Variants in ATP5MJ observed in about 807,000 individuals in gnomAD.
ATP5MJ encodes ATP synthase F(0) complex subunit j, mitochondrial.
Under a neutral mutation model 8.3 loss-of-function variants are expected in ATP5MJ, and 4 were observed. The observed-to-expected ratio is 0.48, with a 90% CI of 0.24 to 1.11. The LOEUF (loss-of-function observed/expected upper bound fraction) is 1.11. Among genes scored for constraint, ATP5MJ ranks in the 50% least tolerant of loss-of-function variants. The probability of loss-of-function intolerance (pLI) is 0.18; values close to 1 mark genes in which losing one functional copy is unlikely to be tolerated. For missense variants in ATP5MJ, 66 were observed against 71.8 expected (o/e 0.92, Z 0.29); for synonymous variants, 23 against 21.3 (o/e 1.08, Z -0.23).
At chr14:103,912,913 A>G (rs991932649) in intron 3 of ATP5MJ, 14 of 557,606 alleles carry the variant, frequency 2.5e-5, no homozygotes, top group Non-Finnish European at 4.1e-5. Context: ...CCCACAGCGC[A>G]AAGAGAGAGG....
At chr14:103,913,601 G>C (rs1043126843) in intron 3 of ATP5MJ, 3 of 375,860 alleles carry the variant, frequency 8.0e-6, no homozygotes, top group African/African-American at 4.2e-5. Context: ...ACAGAGCGAG[G>C]CTCCGTCTCA....
rs754772315 is a variant in ATP5MJ, at chr14:103,915,212, A to G, written c.1-23T>C. ...CATCTGAAAATGAACACAGTGATTAAAAATTAGAATGATGATTGCTTTAAA... is the reference window on the plus strand; with the variant it reads ...CATCTGAAAATGAACACAGTGATTAGAAATTAGAATGATGATTGCTTTAAA... On this transcript the variant is annotated intron_variant, in intron 1 of 3. Coordinates refer to ENST00000286953, the MANE Select transcript of ATP5MJ (RefSeq NM_004894.3). 11 of 1,606,996 alleles carry G rather than the reference A, an allele frequency of 6.8e-6. No homozygotes were observed. In the South Asian group the frequency reaches 1.2e-4, roughly 18 times the overall value.
chr14:103,912,825 G>T, intron 3 of ATP5MJ, 131 bp from the exon 4 acceptor site: 1 of 862,742 alleles, frequency 1.2e-6, no homozygotes, highest in Non-Finnish European at 1.8e-6. Flanking sequence ...CAATACTATT[G>T]AAAAGTAGGA....
intron 2 of ATP5MJ, chr14:103,914,297 C>T (rs896254118): frequency 1.2e-5 from 7 of 561,222 alleles, no homozygotes; most frequent in African/African-American, 1.1e-4. Context: ...CACTGCTCTG[C>T]TCTACTGAGA....
rs74636992 is a variant in ATP5MJ at position 103,917,030 on chromosome 14, T to G, written c.1-1841A>C. Among the ~76,000 whole-genome samples, 1,118 of 152,280 alleles carry G rather than the reference T, an allele frequency of 7.3e-3. 6 individuals are homozygous for G. Among genetic ancestry groups the G allele is most frequent in the South Asian group, 0.032 (154 of 4,828 alleles). Reference sequence around the variant, plus strand: ...TCACTTGGCAAATGTGCACTGAGCATGTACTAGGTGCCAGACATTGTTTTA... The same window carrying G: ...TCACTTGGCAAATGTGCACTGAGCAGGTACTAGGTGCCAGACATTGTTTTA... On this transcript the variant is annotated intron_variant, in intron 1 of 3. Transcript: ENST00000286953.
chr14:103,918,827 C>T (rs2087646800), intron 1 of ATP5MJ, among the ~76,000 whole-genome samples: 1 of 151,988 alleles, frequency 6.6e-6, no homozygotes, highest in Admixed American at 6.5e-5. Flanking sequence ...TCAAGACCAT[C>T]CTGGCTAACA....
Position 103,917,350 on chromosome 14 carries a change from A to T in ATP5MJ, c.1-2161T>A, listed in dbSNP as rs75018276. Among the ~76,000 whole-genome samples the T allele has an allele frequency of 7.7e-3, 1,173 of 152,226 alleles. 14 individuals are homozygous for T. Among genetic ancestry groups the T allele is most frequent in the African/African-American group, 0.027 (1,131 of 41,536 alleles). Reference sequence around the variant, plus strand: ...GTATATTAAATGCTTGTTACATAAAATACCATGGCTGGACTATGGGAAGGA... The same window carrying T: ...GTATATTAAATGCTTGTTACATAAATTACCATGGCTGGACTATGGGAAGGA... On this transcript the variant is annotated intron_variant, in intron 1 of 3. Transcript: ENST00000286953.
intron 1 of ATP5MJ, among the ~76,000 whole-genome samples, chr14:103,919,125 A>C (rs2087650369): frequency 6.6e-6 from 1 of 152,244 alleles, no homozygotes; most frequent in South Asian, 2.1e-4. Context: ...GCTTACGCCT[A>C]TAATCCCAGC....
intron 2 of ATP5MJ, chr14:103,914,651 AC>A: frequency 1.7e-6 from 1 of 584,834 alleles, no homozygotes; most frequent in African/African-American, 1.9e-5. Context: ...AAAAAAAAGT[AC>A]AAAAAAAAAA....
chr14:103,920,586 C>G (rs2087668709), intron 1 of ATP5MJ, among the ~76,000 whole-genome samples: 1 of 151,628 alleles, frequency 6.6e-6, no homozygotes, highest in Admixed American at 6.6e-5. Flanking sequence ...ATTCTCCTGC[C>G]TCAGCCTCCC....
rs2087675605 is a variant in ATP5MJ, at chr14:103,921,186, C to A, written c.-1+284G>T. 4 of 655,260 alleles carry A rather than the reference C, an allele frequency of 6.1e-6. No individual in the cohort carries two copies. The East Asian group carries it at 1.1e-4, about 18-fold the overall frequency. The allele number at this position is 655,260 out of a possible 1,614,324, so 40.6% of individuals were successfully genotyped here. A position where few individuals can be genotyped will look rare whatever the true frequency, so the allele number is the denominator to read the frequency against. On this transcript the variant is annotated intron_variant, in intron 1 of 3. Transcript: ENST00000286953. ...TAGCCTCTGGGTTAGGCAGCTGAAC[C>A]TCTCAAGGCCAAGGTACGCTCCCTG...
intron 3 of ATP5MJ, 72 bp downstream of exon 3, chr14:103,913,889 C>T (rs777280757): frequency 7.2e-6 from 11 of 1,523,166 alleles, no homozygotes; most frequent in Admixed American, 1.7e-5. Flanking sequence ...TTGAGAACAA[C>T]GATATACCTT....
In ATP5MJ at chr14:103,913,952, A is replaced by T. The variant is rs572652145; in HGVS notation, c.148+9T>A. 17 of 1,612,400 alleles carry T rather than the reference A, an allele frequency of 1.1e-5. No homozygotes were observed. The highest frequency in any genetic ancestry group is 1.3e-5 in the Non-Finnish European group (15 of 1,178,670). ...CATTCCCAACCATTTTCAGAAGCAAAAATCTTACCTTTCAAAGCCTTACTT... is the reference window on the plus strand; with the variant it reads ...CATTCCCAACCATTTTCAGAAGCAATAATCTTACCTTTCAAAGCCTTACTT... On this transcript the variant is annotated intron_variant, in intron 3 of 3. Coordinates refer to ENST00000286953, the MANE Select transcript of ATP5MJ (RefSeq NM_004894.3).
Position 103,914,837 on chromosome 14 carries a change from C to CAAAAAGGAAAAAAAAAAAAAAAAAAAAA in ATP5MJ, c.124+228_124+229insTTTTTTTTTTTTTTTTTTTTTCCTTTTT, listed in dbSNP as rs370479683. On this transcript the variant is annotated intron_variant, in intron 2 of 3. Coordinates refer to ENST00000286953, the MANE Select transcript of ATP5MJ (RefSeq NM_004894.3). ...GGGCGTCAGAGTGAGAGACTGTCTC[C>CAAAAAGGAAAAAAAAAAAAAAAAAAAAA]AAAAAAAAAAAAAAAAAAAAGAAAA... is the stretch of plus-strand genomic sequence containing the variant. 6 of 191,088 alleles carry CAAAAAGGAAAAAAAAAAAAAAAAAAAAA rather than the reference C, an allele frequency of 3.1e-5. No homozygotes were observed. In the Admixed American group the frequency reaches 4.7e-4, roughly 15 times the overall value. 11.8% of individuals were successfully genotyped at this position (191,088 alleles called of 1,614,324 possible).
At chr14:103,917,312 A>G (rs908834767) in intron 1 of ATP5MJ, among the ~76,000 whole-genome samples, 1 of 152,178 alleles carries the variant, frequency 6.6e-6, no homozygotes, top group Non-Finnish European at 1.5e-5. Flanking sequence ...TCAAATGTTG[A>G]GTGTCTGGTA....
rs749080256 is a variant in ATP5MJ at position 103,915,087 on chromosome 14, C to T, written c.103G>A (p.Val35Ile). ...GTACCAGCAGCCCGGATTTTATAAA[C>T]GATGAAGCCCATCAGCCCCATTCCT... Reference protein sequence around the residue: ...WIGMGLMGFIVYKIRAADKRS... With the variant: ...WIGMGLMGFIIYKIRAADKRS... Residue 35 changes from valine to isoleucine, a missense_variant, in exon 2 of 4, where the codon GTT (valine) becomes ATT (isoleucine). Val to Ile is a conservative substitution (Grantham distance 29). Coordinates refer to ENST00000286953, the MANE Select transcript of ATP5MJ (RefSeq NM_004894.3). The T allele has an allele frequency of 1.1e-5, 17 of 1,613,906 alleles. No individual in the cohort carries two copies. Among genetic ancestry groups the T allele is most frequent in the African/African-American group, 6.7e-5 (5 of 74,886 alleles).
intron 1 of ATP5MJ, chr14:103,921,025 TG>T: frequency 5.2e-6 from 8 of 1,551,702 alleles, no homozygotes; most frequent in Non-Finnish European, 7.0e-6. Context: ...GCTTCCCTGT[TG>T]CCTCACCCAA....
At chr14:103,914,053 A>G in intron 2 of ATP5MJ, 69 bp from the exon 3 acceptor site, 1 of 1,435,010 alleles carries the variant, frequency 7.0e-7, no homozygotes, top group Non-Finnish European at 9.6e-7. Flanking sequence ...GTCAAAATTA[A>G]CATTTAGCTG....
chr14:103,917,393 TA>T (rs141496742), intron 1 of ATP5MJ, among the ~76,000 whole-genome samples: 43,446 of 152,098 alleles, frequency 0.29, 6,863 homozygotes, highest in East Asian at 0.36. Context: ...CCATGTCATT[TA>T]AGGGCCTTGG....
Sources: gnomAD v4.1 joint callset for allele counts (sites outside exome capture counted in the v4.1 genomes callset) on GRCh38, gnomAD v4.1.1 for gene constraint, MANE v1.5 for transcripts, NCBI Gene and HGNC (gene_info 2026-07-23, HGNC 2026-07-21) for gene names.